Variants in PAM observed in about 807,000 individuals in gnomAD.
The protein encoded by PAM is peptidylglycine alpha-amidating monooxygenase, also known as peptidyl-glycine alpha-amidating monooxygenase.
Under a neutral mutation model 122.1 loss-of-function variants are expected in PAM, and 72 were observed. That is an observed-to-expected ratio of 0.59 (90% CI 0.49 to 0.72). The LOEUF is 0.72. PAM is among the 30% of genes least tolerant of loss of function. The pLI, the probability that PAM is intolerant of heterozygous loss-of-function variation, is 0.00. For missense variants in PAM, 1,106 were observed against 1,183.7 expected (o/e 0.93, Z 0.96); for synonymous variants, 389 against 404.4 (o/e 0.96, Z 0.46).
intron 1 of PAM, among the ~76,000 whole-genome samples, chr5:102,815,468 C>A (rs371916355): frequency 6.6e-6 from 1 of 152,268 alleles, no homozygotes; most frequent in Admixed American, 6.5e-5. Context: ...ACTAGTTTAT[C>A]CTTTTCAGCT....
chr5:102,950,803 A>G lies in PAM; in HGVS notation c.888A>G (p.Thr296=), dbSNP rs764611254. The G allele has an allele frequency of 1.9e-6, 3 of 1,603,176 alleles. No individual in the cohort carries two copies. The South Asian group carries it at 3.3e-5, about 18-fold the overall frequency. ...ARCVFTGEGR[T]EATHIGGTSS... ...GTGTATTCACTGGTGAAGGAAGGAC[A>G]GAAGCCACACACATTGGGTATGATT... Residue 296 remains threonine (T), a synonymous_variant, in exon 12 of 26, where the codon ACA becomes ACG. Transcript: ENST00000438793.
At chr5:102,977,664 A>G (rs1312187968) in intron 15 of PAM, among the ~76,000 whole-genome samples, 1,680 of 70,104 alleles carry the variant, frequency 0.024, 27 homozygotes, top group African/African-American at 0.084. Flanking sequence ...GTGCGCACAC[A>G]CACACACACA....
Position 103,025,421 on chromosome 5 carries a change from T to C in PAM, c.2689+87T>C, listed in dbSNP as rs867350389. On this transcript the variant is annotated intron_variant, in intron 24 of 25. Coordinates refer to ENST00000438793, the MANE Select transcript of PAM (RefSeq NM_001177306.2). ...TCCTCAGGAGTTTGATTGGGATTTT[T>C]TTCACTGTATTTGTTTTTTTGTTTT... is the stretch of plus-strand genomic sequence containing the variant. 3 of 1,094,084 alleles carry C rather than the reference T, an allele frequency of 2.7e-6. No homozygotes were observed. In the Middle Eastern group the frequency reaches 6.0e-4, roughly 218 times the overall value. 67.8% of individuals were successfully genotyped at this position (1,094,084 alleles called of 1,614,324 possible). A position where few individuals can be genotyped will look rare whatever the true frequency, so the allele number is the denominator to read the frequency against.
At chr5:102,794,230 A>G (rs1345572477) in intron 1 of PAM, among the ~76,000 whole-genome samples, 1 of 152,196 alleles carries the variant, frequency 6.6e-6, no homozygotes, top group Non-Finnish European at 1.5e-5. Context: ...ACAAGGTCCC[A>G]CTGAGGTGAA....
chr5:103,026,782 G>A lies in PAM; in HGVS notation c.2690-1403G>A, dbSNP rs570685989. The stretch of plus-strand genomic sequence containing the variant: ...AGAGACATGAAACAAAAAAGTTATA[G>A]TAGAGGGTGGTAAGTGCAGTGATAA... On this transcript the variant is annotated intron_variant, in intron 24 of 25. Transcript: ENST00000438793. Among the ~76,000 whole-genome samples, 182 of 152,332 alleles carry A rather than the reference G, an allele frequency of 1.2e-3. 1 individual carries two copies. Among genetic ancestry groups the A allele is most frequent in the Non-Finnish European group, 2.2e-3 (147 of 68,030 alleles).
chr5:102,803,157 GGAAGGAAGGA>G, intron 1 of PAM, among the ~76,000 whole-genome samples: 1 of 2,044 alleles, frequency 4.9e-4, no homozygotes, highest in Non-Finnish European at 1.3e-3. Flanking sequence ...AAGGAAGGAA[GGAAGGAAGGA>G]AGGAAGGAAG....
At chr5:102,859,753 G>A (rs1235875548) in intron 1 of PAM, among the ~76,000 whole-genome samples, 2 of 152,128 alleles carry the variant, frequency 1.3e-5, no homozygotes, top group East Asian at 3.9e-4. Flanking sequence ...CCATTTATAA[G>A]TGCCGTATAC....
At chr5:102,944,595 C>T (rs898500526) in intron 7 of PAM, among the ~76,000 whole-genome samples, 4 of 151,948 alleles carry the variant, frequency 2.6e-5, no homozygotes, top group Non-Finnish European at 5.9e-5. Flanking sequence ...CCTAGGATCC[C>T]GTCGAACTGA....
chr5:102,946,768 T>TTA (rs1757183241), intron 7 of PAM, 69 bp from the exon 8 acceptor site: 2 of 889,200 alleles, frequency 2.2e-6, no homozygotes, highest in Admixed American at 2.0e-5. Context: ...ATCATTTCTA[T>TTA]CTTACTAGTT....
At chr5:102,773,008 A>T (rs1756226302) in intron 1 of PAM, among the ~76,000 whole-genome samples, 1 of 152,102 alleles carries the variant, frequency 6.6e-6, no homozygotes, top group Admixed American at 6.6e-5. Context: ...GACTTCAGGA[A>T]TGCCAATTTT....
rs1783111721 is a variant in PAM at position 103,020,013 on chromosome 5, T to TC, written c.2485+170_2485+171insC. Reference sequence around the variant, plus strand: ...TTAAACCTGTATGTTGCCACTTCCCTTTTTTTTTGATAAATGGAGCAGTCA... The same window carrying TC: ...TTAAACCTGTATGTTGCCACTTCCCTCTTTTTTTTGATAAATGGAGCAGTCA... On this transcript the variant is annotated intron_variant, in intron 23 of 25. Transcript: ENST00000438793. 3.9e-5 allele frequency among the ~76,000 whole-genome samples: 3 copies of TC among 76,280 alleles called. No homozygotes were observed. In the South Asian group the frequency reaches 9.1e-4, roughly 23 times the overall value. 50.0% of individuals were successfully genotyped at this position (76,280 alleles called of 152,430 possible).
intron 21 of PAM, among the ~76,000 whole-genome samples, chr5:103,015,737 A>G (rs1781792278): frequency 6.6e-6 from 1 of 152,152 alleles, no homozygotes; most frequent in African/African-American, 2.4e-5. Context: ...CCTTGGCTTC[A>G]TGGATCAGTG....
At chr5:102,768,485 C>G (rs1215692278) in intron 1 of PAM, among the ~76,000 whole-genome samples, 3 of 122,896 alleles carry the variant, frequency 2.4e-5, no homozygotes, top group Admixed American at 1.6e-4. Flanking sequence ...CCAACTCCCC[C>G]TCTAACCTCT....
intron 1 of PAM, chr5:102,838,311 G>A (rs1033523671): frequency 4.6e-5 from 7 of 151,974 alleles, no homozygotes; most frequent in Non-Finnish European, 7.4e-5. Flanking sequence ...GATTACTCCA[G>A]AAGGGGAAGA....
At chr5:102,776,695 A>G (rs1757261323) in intron 1 of PAM, among the ~76,000 whole-genome samples, 1 of 152,126 alleles carries the variant, frequency 6.6e-6, no homozygotes, top group South Asian at 2.1e-4. Flanking sequence ...CCATTTTTAA[A>G]TGTACAGGTC....
At chr5:102,991,002 C>T (rs1349701980) in intron 16 of PAM, among the ~76,000 whole-genome samples, 1 of 152,154 alleles carries the variant, frequency 6.6e-6, no homozygotes, top group African/African-American at 2.4e-5. Flanking sequence ...ATCTATTACT[C>T]CTGCTTTATC....
At chr5:102,931,114 C>T (rs1327667980) in intron 7 of PAM, among the ~76,000 whole-genome samples, 1 of 152,108 alleles carries the variant, frequency 6.6e-6, no homozygotes, top group African/African-American at 2.4e-5. Flanking sequence ...TAAATGTTAG[C>T]TATTATCATT....
intron 14 of PAM, among the ~76,000 whole-genome samples, chr5:102,961,660 A>G (rs1411126970): frequency 2.0e-5 from 3 of 151,910 alleles, no homozygotes; most frequent in Admixed American, 6.6e-5. Flanking sequence ...TCTTACCTCT[A>G]TAAGTCATTC....
At chr5:102,955,504 A>T (rs757023574) in intron 12 of PAM, among the ~76,000 whole-genome samples, 6 of 152,060 alleles carry the variant, frequency 3.9e-5, no homozygotes, top group Non-Finnish European at 8.8e-5. Context: ...TTCATTCAAC[A>T]CATATTTATC....
Sources: allele counts gnomAD v4.1 joint callset (sites outside exome capture counted in the v4.1 genomes callset), GRCh38; gene constraint gnomAD v4.1.1; transcripts MANE v1.5; gene names NCBI Gene and HGNC (gene_info 2026-07-23, HGNC 2026-07-21).